The following CNTNAP5 variants were observed in gnomAD, a reference collection of about 807,000 sequenced individuals.
CNTNAP5 encodes the protein contactin associated protein family member 5.
Under a neutral mutation model 150.2 loss-of-function variants are expected in CNTNAP5, and 72 were observed. That is an observed-to-expected ratio of 0.48 (90% CI 0.40 to 0.58). CNTNAP5 has a LOEUF of 0.58. Among genes scored for constraint, CNTNAP5 ranks in the 20% least tolerant of loss-of-function variants. The pLI, the probability that CNTNAP5 is intolerant of heterozygous loss-of-function variation, is 0.00. For missense variants in CNTNAP5, 1,636 were observed against 1,626.2 expected (o/e 1.01, Z -0.10); for synonymous variants, 672 against 619.8 (o/e 1.08, Z -1.25).
At chr2:124,561,517 G>C (rs1177873042) in intron 10 of CNTNAP5, among the ~76,000 whole-genome samples, 2 of 152,104 alleles carry the variant, frequency 1.3e-5, no homozygotes, top group Non-Finnish European at 2.9e-5. Context: ...TTTGAACAGA[G>C]AGAGGACCAC....
chr2:124,122,156 G>T (rs962183774), intron 1 of CNTNAP5, among the ~76,000 whole-genome samples: 18 of 152,092 alleles, frequency 1.2e-4, no homozygotes, highest in African/African-American at 4.1e-4. Flanking sequence ...TTTTCTCCTT[G>T]AAAATTTCCC....
intron 13 of CNTNAP5, among the ~76,000 whole-genome samples, chr2:124,652,104 C>T (rs1489262857): frequency 6.6e-6 from 1 of 152,070 alleles, no homozygotes; most frequent in Non-Finnish European, 1.5e-5. Flanking sequence ...ATTTTTTTCC[C>T]AGAACTACTG....
intron 1 of CNTNAP5, among the ~76,000 whole-genome samples, chr2:124,121,308 C>T (rs1221609475): frequency 6.6e-6 from 1 of 152,192 alleles, no homozygotes; most frequent in African/African-American, 2.4e-5. Flanking sequence ...CACACTTCAT[C>T]AGTGCGAACC....
At chr2:124,724,948 G>T (rs2105120420) in intron 13 of CNTNAP5, among the ~76,000 whole-genome samples, 1 of 99,688 alleles carries the variant, frequency 1.0e-5, no homozygotes, top group Non-Finnish European at 2.2e-5. Flanking sequence ...TTTTTTTAAA[G>T]GAGATTCCAC....
chr2:124,133,527 T>C (rs1262983589), intron 1 of CNTNAP5, among the ~76,000 whole-genome samples: 7 of 152,154 alleles, frequency 4.6e-5, no homozygotes, highest in Non-Finnish European at 8.8e-5. Flanking sequence ...ATGCTTTCCC[T>C]CTGCTTATCT....
At chr2:124,591,331 A>G (rs781120683) in intron 11 of CNTNAP5, among the ~76,000 whole-genome samples, 2 of 152,184 alleles carry the variant, frequency 1.3e-5, no homozygotes, top group Non-Finnish European at 2.9e-5. Context: ...GTAGCAAGTC[A>G]TTTCATATAC....
intron 3 of CNTNAP5, among the ~76,000 whole-genome samples, chr2:124,350,187 C>T (rs535449339): frequency 6.6e-6 from 1 of 152,096 alleles, no homozygotes; most frequent in South Asian, 2.1e-4. Context: ...CGGCCGACTT[C>T]TGGCTATTTC....
At chr2:124,443,581 A>G (rs1484446479) in intron 5 of CNTNAP5, among the ~76,000 whole-genome samples, 1 of 152,096 alleles carries the variant, frequency 6.6e-6, no homozygotes, top group Non-Finnish European at 1.5e-5. Context: ...GGAAGTGAGG[A>G]AGGGAGGCAG....
chr2:124,264,430 AC>A (rs1173612374), intron 3 of CNTNAP5, among the ~76,000 whole-genome samples: 20 of 139,766 alleles, frequency 1.4e-4, no homozygotes, highest in Non-Finnish European at 2.9e-4. Context: ...ACACACACAC[AC>A]ACCAATCGCC....
At chr2:124,438,375 G>A (rs914636280) in intron 5 of CNTNAP5, among the ~76,000 whole-genome samples, 5 of 152,148 alleles carry the variant, frequency 3.3e-5, no homozygotes, top group African/African-American at 1.2e-4. Context: ...GAATCAAAGA[G>A]CAGAGATATT....
At chr2:124,421,834 G>T (rs1032274068) in intron 4 of CNTNAP5, among the ~76,000 whole-genome samples, 4 of 152,150 alleles carry the variant, frequency 2.6e-5, no homozygotes, top group Non-Finnish European at 4.4e-5. Context: ...CCCCCCGACT[G>T]TTCCTCTAAA....
At chr2:124,128,504 G>A (rs1056316372) in intron 1 of CNTNAP5, among the ~76,000 whole-genome samples, 3 of 152,170 alleles carry the variant, frequency 2.0e-5, no homozygotes, top group African/African-American at 4.8e-5. Flanking sequence ...ACAGTGTGGC[G>A]ATTCCTCAAG....
chr2:124,414,480 A>G (rs1335995342), intron 3 of CNTNAP5, among the ~76,000 whole-genome samples: 1 of 152,094 alleles, frequency 6.6e-6, no homozygotes, highest in Non-Finnish European at 1.5e-5. Flanking sequence ...ATGAGCCTCT[A>G]AGACTATGAA....
intron 21 of CNTNAP5, among the ~76,000 whole-genome samples, chr2:124,897,805 A>G (rs2104754782): frequency 6.6e-6 from 1 of 151,622 alleles, no homozygotes; most frequent in South Asian, 2.1e-4. Context: ...ACTTGACCTT[A>G]TGTGTTTTGT....
At chr2:124,338,544 A>G (rs964407877) in intron 3 of CNTNAP5, among the ~76,000 whole-genome samples, 1 of 152,074 alleles carries the variant, frequency 6.6e-6, no homozygotes, top group African/African-American at 2.4e-5. Context: ...ATAGATAAAA[A>G]GTCTGAATGT....
chr2:124,179,062 C>G (rs561273603), intron 1 of CNTNAP5, among the ~76,000 whole-genome samples: 1 of 151,682 alleles, frequency 6.6e-6, no homozygotes, highest in African/African-American at 2.4e-5. Context: ...GTGTTTCACC[C>G]ACTCACTCCC....
chr2:124,061,075 G>A (rs754086780), intron 1 of CNTNAP5, among the ~76,000 whole-genome samples: 6 of 151,968 alleles, frequency 3.9e-5, no homozygotes, highest in East Asian at 1.9e-4. Flanking sequence ...ATCAAGTGCC[G>A]TCTCCATTAG....
At chr2:124,203,251 C>T (rs756743904) in intron 1 of CNTNAP5, among the ~76,000 whole-genome samples, 4 of 152,188 alleles carry the variant, frequency 2.6e-5, no homozygotes, top group African/African-American at 9.6e-5. Flanking sequence ...CCATGTCTCA[C>T]ATCCAGGTCA....
chr2:124,221,943 G>C, intron 2 of CNTNAP5, 134 bp downstream of exon 2: 1 of 631,962 alleles, frequency 1.6e-6, no homozygotes, highest in Non-Finnish European at 2.8e-6. Flanking sequence ...ACGAGGAGAG[G>C]AGTGAAAATC....
Sources: allele counts gnomAD v4.1 joint callset (sites outside exome capture counted in the v4.1 genomes callset), GRCh38; gene constraint gnomAD v4.1.1; transcripts MANE v1.5; gene names NCBI Gene and HGNC (gene_info 2026-07-23, HGNC 2026-07-21).